CDKN2B-AS1: variants seen among roughly 807,000 people sequenced by gnomAD.
The protein encoded by CDKN2B-AS1 is CDKN2B antisense RNA 1 (non-protein coding).
intron 1 of CDKN2B-AS1, among the ~76,000 whole-genome samples, chr9:21,998,841 A>G (rs1423500906): frequency 1.3e-5 from 2 of 152,136 alleles, no homozygotes; most frequent in Non-Finnish European, 2.9e-5. Flanking sequence ...ACATGCTCAA[A>G]CTCAAAACCC....
chr9:22,044,941 C>G (rs1160282016), intron 1 of CDKN2B-AS1, among the ~76,000 whole-genome samples: 3 of 151,808 alleles, frequency 2.0e-5, no homozygotes, highest in Non-Finnish European at 4.4e-5. Flanking sequence ...GCTAAATGAT[C>G]TATTTCCACC....
intron 1 of CDKN2B-AS1, among the ~76,000 whole-genome samples, chr9:22,045,073 T>TGTGTGTGTGTGTG (rs1823053606): frequency 1.3e-5 from 2 of 151,556 alleles, no homozygotes; most frequent in African/African-American, 2.4e-5. Flanking sequence ...TGTGTGTGTA[T>TGTGTGTGTGTGTG]TTATTTTCTT....
intron 3 of CDKN2B-AS1, among the ~76,000 whole-genome samples, chr9:22,051,267 A>AT (rs1401622388): frequency 6.6e-6 from 1 of 152,000 alleles, no homozygotes; most frequent in Non-Finnish European, 1.5e-5. Flanking sequence ...TTCTTTTTCT[A>AT]TTTTTTAAAC....
intron 4 of CDKN2B-AS1, among the ~76,000 whole-genome samples, chr9:22,073,350 C>A (rs1357819316): frequency 2.0e-5 from 3 of 152,118 alleles, no homozygotes; most frequent in African/African-American, 7.2e-5. Flanking sequence ...CCATAACTGA[C>A]CCCTGCAAAA....
chr9:22,023,971 C>T (rs886706532), intron 1 of CDKN2B-AS1, among the ~76,000 whole-genome samples: 5 of 152,144 alleles, frequency 3.3e-5, no homozygotes, highest in South Asian at 2.1e-4. Context: ...TGGTACTGAA[C>T]GCTTGCCAGA....
At chr9:22,008,815 C>T (rs760916164) in intron 1 of CDKN2B-AS1, 1 of 1,606,100 alleles carries the variant, frequency 6.2e-7, no homozygotes, top group Non-Finnish European at 8.5e-7. Flanking sequence ...GCGCGCCTCC[C>T]GAAACGGTTG....
intron 4 of CDKN2B-AS1, among the ~76,000 whole-genome samples, chr9:22,091,008 G>A (rs1304499168): frequency 6.6e-6 from 1 of 152,142 alleles, no homozygotes; most frequent in East Asian, 1.9e-4. Flanking sequence ...TTTGTATAAG[G>A]TATAAGGAAA....
chr9:22,030,554 G>A (rs537576063), intron 1 of CDKN2B-AS1: 2 of 152,192 alleles, frequency 1.3e-5, no homozygotes, highest in South Asian at 4.1e-4. Context: ...AAAAGATGAG[G>A]TATGGACATA....
At chr9:22,002,341 T>C (rs1175146790) in intron 1 of CDKN2B-AS1, among the ~76,000 whole-genome samples, 1 of 152,066 alleles carries the variant, frequency 6.6e-6, no homozygotes, top group Non-Finnish European at 1.5e-5. Context: ...TGCTCCACTT[T>C]TGATAGAGTG....
intron 1 of CDKN2B-AS1, among the ~76,000 whole-genome samples, chr9:22,016,621 C>T (rs1006851048): frequency 1.3e-5 from 2 of 152,046 alleles, no homozygotes; most frequent in Non-Finnish European, 2.9e-5. Flanking sequence ...TGGAACAGAA[C>T]AGAGCCCTCA....
chr9:22,053,592 G>A (rs11790231), intron 3 of CDKN2B-AS1, among the ~76,000 whole-genome samples: 14,103 of 152,088 alleles, frequency 0.093, 817 homozygotes, highest in East Asian at 0.2. Context: ...CCTCCAACTC[G>A]TAGCCAGAGC....
intron 4 of CDKN2B-AS1, among the ~76,000 whole-genome samples, chr9:22,100,157 A>G (rs967587897): frequency 6.6e-6 from 1 of 152,138 alleles, no homozygotes; most frequent in Non-Finnish European, 1.5e-5. Flanking sequence ...AAACAACTTT[A>G]TTGAGGTATA....
At chr9:22,089,815 A>G (rs1825005616) in intron 4 of CDKN2B-AS1, among the ~76,000 whole-genome samples, 1 of 152,036 alleles carries the variant, frequency 6.6e-6, no homozygotes. Flanking sequence ...TCAAACATTT[A>G]TAAATTACTA....
intron 1 of CDKN2B-AS1, chr9:22,029,602 C>A: frequency 1.4e-6 from 1 of 704,406 alleles, no homozygotes; most frequent in Admixed American, 1.9e-5. Context: ...GCTGTAAGTG[C>A]TGTTTGGGAA....
intron 4 of CDKN2B-AS1, among the ~76,000 whole-genome samples, chr9:22,079,254 C>T (rs900763377): frequency 2.0e-5 from 3 of 152,086 alleles, no homozygotes; most frequent in African/African-American, 4.8e-5. Context: ...GAAGCCGAGG[C>T]GGGAGGATCA....
At chr9:22,119,081 G>C (rs1826033055) in intron 4 of CDKN2B-AS1, 1 of 152,084 alleles carries the variant, frequency 6.6e-6, no homozygotes, top group African/African-American at 2.4e-5. Context: ...GTTACATTAG[G>C]AAAGTTATGT....
At chr9:22,019,632 T>G (rs1821934722) in intron 1 of CDKN2B-AS1, among the ~76,000 whole-genome samples, 1 of 152,096 alleles carries the variant, frequency 6.6e-6, no homozygotes, top group Non-Finnish European at 1.5e-5. Flanking sequence ...GGTGGAGATA[T>G]CCAGTGAAAG....
At chr9:22,123,858 T>A (rs1235393063) in intron 4 of CDKN2B-AS1, among the ~76,000 whole-genome samples, 1 of 152,180 alleles carries the variant, frequency 6.6e-6, no homozygotes, top group Non-Finnish European at 1.5e-5. Context: ...GCGTAAACAA[T>A]GACAACGGAA....
intron 3 of CDKN2B-AS1, among the ~76,000 whole-genome samples, chr9:22,055,288 C>G (rs1823512999): frequency 6.6e-6 from 1 of 152,184 alleles, no homozygotes; most frequent in East Asian, 1.9e-4. Context: ...CATTTATGAT[C>G]TACTCTCTTA....
Sources: allele counts gnomAD v4.1 joint callset (sites outside exome capture counted in the v4.1 genomes callset), GRCh38; gene constraint gnomAD v4.1.1; transcripts MANE v1.5; gene names NCBI Gene and HGNC (gene_info 2026-07-23, HGNC 2026-07-21).